LUZP2: variants seen among roughly 807,000 people sequenced by gnomAD.
LUZP2 encodes the protein leucine zipper protein 2.
In LUZP2, 52 loss-of-function variants were observed where a neutral mutation model predicts 51.6. The ratio of observed to expected loss-of-function variants is 1.01; its 90% confidence interval spans 0.81 to 1.27. LUZP2 has a LOEUF of 1.27. LUZP2 is among the 50% of genes most tolerant of loss of function. LUZP2 has a pLI of 0.00. For missense variants in LUZP2, 436 were observed against 395.4 expected, an observed-to-expected ratio of 1.10 and a Z score of -0.87; for synonymous variants, 154 against 137.3, an observed-to-expected ratio of 1.12 and a Z score of -0.85.
chr11:24,591,914 TC>T (rs34967424), intron 1 of LUZP2, among the ~76,000 whole-genome samples: 71,771 of 151,978 alleles, frequency 0.47, 17,255 homozygotes, highest in Middle Eastern at 0.58. Flanking sequence ...AGGTATATTG[TC>T]CTTTAATTAA....
intron 1 of LUZP2, among the ~76,000 whole-genome samples, chr11:24,675,885 C>G (rs2133858810): frequency 6.6e-6 from 1 of 151,934 alleles, no homozygotes; most frequent in South Asian, 2.1e-4. Flanking sequence ...GTGGTGCGAT[C>G]TCGGCTCACT....
At chr11:25,059,121 G>C (rs570597290) in intron 10 of LUZP2, among the ~76,000 whole-genome samples, 84 of 152,088 alleles carry the variant, frequency 5.5e-4, no homozygotes, top group Non-Finnish European at 1.0e-3. Context: ...TAGAATTTCA[G>C]ATTTACCAGT....
intron 5 of LUZP2, among the ~76,000 whole-genome samples, chr11:24,827,021 G>A (rs981686318): frequency 6.6e-6 from 1 of 152,072 alleles, no homozygotes; most frequent in Non-Finnish European, 1.5e-5. Context: ...ATGTCATTGG[G>A]TTTTCAATTT....
At chr11:24,508,620 C>G (rs985740969) in intron 1 of LUZP2, among the ~76,000 whole-genome samples, 5 of 152,054 alleles carry the variant, frequency 3.3e-5, no homozygotes, top group African/African-American at 1.2e-4. Context: ...GACCTGTGTT[C>G]TAATTATAGC....
chr11:24,826,169 C>T lies in LUZP2; in HGVS notation c.396+62861C>T, dbSNP rs1396415109. 6.3e-4 allele frequency among the ~76,000 whole-genome samples: 32 copies of T among 50,570 alleles called. 2 individuals are homozygous for T. In the South Asian group the frequency reaches 0.021, roughly 33 times the overall value. The allele number at this position is 50,570 out of a possible 152,430, so 33.2% of individuals were successfully genotyped here. On this transcript the variant is annotated intron_variant, in intron 5 of 11. Transcript: ENST00000336930. ...CCAGCCTAGGCGACAGAGCGAGACTCCATCTCAAAAAAAAAAAAAAAATAT... is the reference window on the plus strand; with the variant it reads ...CCAGCCTAGGCGACAGAGCGAGACTTCATCTCAAAAAAAAAAAAAAAATAT...
intron 6 of LUZP2, among the ~76,000 whole-genome samples, chr11:24,907,783 G>A (rs1853505231): frequency 6.6e-6 from 1 of 152,126 alleles, no homozygotes; most frequent in African/African-American, 2.4e-5. Context: ...TTATTGTTTA[G>A]TCTGTCAGTT....
At chr11:25,067,880 G>C (rs1859042812) in intron 10 of LUZP2, among the ~76,000 whole-genome samples, 1 of 152,010 alleles carries the variant, frequency 6.6e-6, no homozygotes, top group Non-Finnish European at 1.5e-5. Flanking sequence ...GTTTATTGCA[G>C]CACTGTTCAC....
chr11:25,027,888 G>T lies in LUZP2; in HGVS notation c.766-22150G>T, dbSNP rs1857541130. On this transcript the variant is annotated intron_variant, in intron 9 of 11. Coordinates refer to ENST00000336930, the MANE Select transcript of LUZP2 (RefSeq NM_001009909.4). ...CCGTCTCAAAAAAAAAAAAAAAGGTGTTTAGATTTAGATACCATCAATGTT... is the reference window on the plus strand; with the variant it reads ...CCGTCTCAAAAAAAAAAAAAAAGGTTTTTAGATTTAGATACCATCAATGTT... 4.0e-5 allele frequency among the ~76,000 whole-genome samples: 4 copies of T among 99,444 alleles called. 1 individual carries two copies. Among genetic ancestry groups the T allele is most frequent in the Non-Finnish European group, 6.3e-5 (3 of 47,628 alleles). 65.2% of individuals were successfully genotyped at this position (99,444 alleles called of 152,430 possible). A position where few individuals can be genotyped will look rare whatever the true frequency, so the allele number is the denominator to read the frequency against.
chr11:24,510,831 A>G (rs917816460), intron 1 of LUZP2, among the ~76,000 whole-genome samples: 14 of 152,236 alleles, frequency 9.2e-5, no homozygotes, highest in African/African-American at 2.9e-4. Flanking sequence ...ACCATTGGCC[A>G]TTGACTCTGT....
At chr11:24,502,607 AACCCATGACC>A (rs1850031241) in intron 1 of LUZP2, among the ~76,000 whole-genome samples, 2 of 151,982 alleles carry the variant, frequency 1.3e-5, no homozygotes, top group South Asian at 4.2e-4. Flanking sequence ...ACTGGTCTTG[AACCCATGACC>A]TCATGATCCA....
chr11:24,669,539 A>AT (rs918594966), intron 1 of LUZP2, among the ~76,000 whole-genome samples: 85 of 149,478 alleles, frequency 5.7e-4, no homozygotes, highest in Admixed American at 1.3e-3. Flanking sequence ...AATCTTTTCT[A>AT]TTTTTTTTTT....
intron 5 of LUZP2, among the ~76,000 whole-genome samples, chr11:24,833,590 A>G (rs1850762913): frequency 6.6e-6 from 1 of 152,098 alleles, no homozygotes; most frequent in African/African-American, 2.4e-5. Context: ...GTCAAATTTT[A>G]TTAAAAAGTG....
At chr11:24,769,792 TGTTTG>T (rs1565128102) in intron 5 of LUZP2, among the ~76,000 whole-genome samples, 2 of 150,496 alleles carry the variant, frequency 1.3e-5, no homozygotes, top group African/African-American at 5.0e-5. Context: ...TTCTCTTTTT[TGTTTG>T]TTTGTTTTGT....
chr11:24,567,496 G>T (rs547695911), intron 1 of LUZP2, among the ~76,000 whole-genome samples: 3 of 151,830 alleles, frequency 2.0e-5, no homozygotes, highest in Non-Finnish European at 4.4e-5. Flanking sequence ...TTTCAAGTAG[G>T]ATAAACTCAA....
chr11:25,015,897 C>CT (rs553027081), intron 9 of LUZP2, among the ~76,000 whole-genome samples: 3,960 of 134,024 alleles, frequency 0.03, 68 homozygotes, highest in South Asian at 0.1. Flanking sequence ...GTGTGAATTT[C>CT]TTTTTTTTTT....
chr11:24,932,643 C>T (rs976643485), intron 7 of LUZP2, among the ~76,000 whole-genome samples: 1 of 152,172 alleles, frequency 6.6e-6, no homozygotes, highest in African/African-American at 2.4e-5. Flanking sequence ...TGCTCTCACT[C>T]TCACCATGCC....
chr11:24,527,598 CATTT>C (rs1331495440), intron 1 of LUZP2, among the ~76,000 whole-genome samples: 2 of 141,444 alleles, frequency 1.4e-5, no homozygotes, highest in Non-Finnish European at 3.0e-5. Flanking sequence ...CACACACACA[CATTT>C]ATTTGTTGGC....
At chr11:25,076,296 C>T (rs188371205) in intron 10 of LUZP2, among the ~76,000 whole-genome samples, 111 of 152,224 alleles carry the variant, frequency 7.3e-4, no homozygotes, top group Non-Finnish European at 3.5e-4. Context: ...CCACCCACCT[C>T]AGCCTTGCAA....
chr11:24,866,289 G>C (rs1440248094), intron 5 of LUZP2, among the ~76,000 whole-genome samples: 1 of 152,082 alleles, frequency 6.6e-6, no homozygotes, highest in African/African-American at 2.4e-5. Flanking sequence ...CTATGAGTAT[G>C]GCTGACAGAA....
Sources: gnomAD v4.1 joint callset for allele counts (sites outside exome capture counted in the v4.1 genomes callset) on GRCh38, gnomAD v4.1.1 for gene constraint, MANE v1.5 for transcripts, NCBI Gene and HGNC (gene_info 2026-07-23, HGNC 2026-07-21) for gene names.